BCL2L11: variants seen among roughly 807,000 people sequenced by gnomAD.
BCL2L11 encodes the protein BCL2 like 11.
In BCL2L11, 15 loss-of-function variants were observed where a neutral mutation model predicts 20.6. That is an observed-to-expected ratio of 0.73 (90% CI 0.49 to 1.12). The LOEUF is 1.12. Among genes scored for constraint, BCL2L11 ranks in the 50% most tolerant of loss-of-function variants. BCL2L11 has a pLI of 0.00. For synonymous variants in BCL2L11, 108 were observed against 92.8 expected (o/e 1.16, Z -0.94); for missense variants, 292 against 260.9 (o/e 1.12, Z -0.82).
chr2:111,129,560 C>T (rs1273204416), intron 2 of BCL2L11, among the ~76,000 whole-genome samples: 3 of 152,216 alleles, frequency 2.0e-5, no homozygotes, highest in Non-Finnish European at 4.4e-5. Context: ...TTATAGTATA[C>T]TGTCACAACC....
At chr2:111,146,195 A>AT in intron 2 of BCL2L11, 1 of 985,070 alleles carries the variant, frequency 1.0e-6, no homozygotes, top group African/African-American at 1.7e-5. Context: ...CCTTTGAAGA[A>AT]TTTTTTATGT....
intron 2 of BCL2L11, chr2:111,142,422 G>A: frequency 2.6e-6 from 4 of 1,519,826 alleles, no homozygotes; most frequent in Middle Eastern, 3.4e-4. Flanking sequence ...TTCAAAATGG[G>A]ATAAAAAGAA....
chr2:111,150,233 A>G, intron 3 of BCL2L11, 86 bp downstream of exon 3: 1 of 1,533,700 alleles, frequency 6.5e-7, no homozygotes, highest in Non-Finnish European at 8.8e-7. Flanking sequence ...ACTTCTTGTA[A>G]CTACATGCTA....
At chr2:111,152,238 C>T (rs997508600) in intron 3 of BCL2L11, among the ~76,000 whole-genome samples, 4 of 152,174 alleles carry the variant, frequency 2.6e-5, no homozygotes, top group Admixed American at 6.5e-5. Flanking sequence ...GTCTCCTTCC[C>T]GTCTGGAAGG....
At chr2:111,154,718 T>C (rs2077631515) in intron 3 of BCL2L11, among the ~76,000 whole-genome samples, 1 of 152,232 alleles carries the variant, frequency 6.6e-6, no homozygotes, top group African/African-American at 2.4e-5. Flanking sequence ...AGTCTTCCAC[T>C]GTGAAGTTAG....
intron 2 of BCL2L11, among the ~76,000 whole-genome samples, chr2:111,125,887 A>G (rs1204937707): frequency 6.6e-6 from 1 of 152,060 alleles, no homozygotes; most frequent in Non-Finnish European, 1.5e-5. Flanking sequence ...TTTTTGTTGT[A>G]CTCATGAAAA....
intron 3 of BCL2L11, chr2:111,163,447 C>T (rs1182987328): frequency 6.6e-6 from 1 of 152,334 alleles, no homozygotes; most frequent in Non-Finnish European, 1.5e-5. Flanking sequence ...CCTGAGGACC[C>T]TGAAAGCATT....
At chr2:111,153,733 G>T in intron 3 of BCL2L11, 1 of 1,551,464 alleles carries the variant, frequency 6.4e-7, no homozygotes, top group Non-Finnish European at 8.7e-7. Flanking sequence ...GTCTTTTATT[G>T]CCACGAGCCT....
At chr2:111,149,309 G>C (rs2076963161) in intron 2 of BCL2L11, among the ~76,000 whole-genome samples, 1 of 152,182 alleles carries the variant, frequency 6.6e-6, no homozygotes, top group South Asian at 2.1e-4. Context: ...GTTAGTGACA[G>C]CTTAATGAAA....
rs1161363164 is a variant in BCL2L11, at chr2:111,143,041, T to G, written c.395-7003T>G. ...TAGAAAAAATATAGGGATTTGTGTC[T>G]TTGCACTAAAGTAATTTCAGGGTTG... On this transcript the variant is annotated intron_variant, in intron 2 of 3. Transcript: ENST00000393256. 2.6e-5 allele frequency among the ~76,000 whole-genome samples: 4 copies of G among 152,236 alleles called. No homozygotes were observed. In the East Asian group the frequency reaches 5.8e-4, roughly 22 times the overall value.
chr2:111,134,435 A>T lies in BCL2L11; in HGVS notation c.394+10296A>T, dbSNP rs114767449. ...TTATGATGGGAGCTGAAGAGTAGAA[A>T]CCTTACTTTTCTTTAGGCTCCGTTA... On this transcript the variant is annotated intron_variant, in intron 2 of 3. Transcript: ENST00000393256. Among the ~76,000 whole-genome samples, 820 of 152,112 alleles carry T rather than the reference A, an allele frequency of 5.4e-3. 16 individuals are homozygous for T. The highest frequency in any genetic ancestry group is 0.016 in the African/African-American group (652 of 41,490).
chr2:111,134,263 G>A lies in BCL2L11; in HGVS notation c.394+10124G>A, dbSNP rs369204901. 2.1e-4 allele frequency among the ~76,000 whole-genome samples: 32 copies of A among 151,642 alleles called. 1 individual carries two copies. Among genetic ancestry groups the A allele is most frequent in the East Asian group, 1.7e-3 (9 of 5,182 alleles). Reference sequence around the variant, plus strand: ...TTTTTAACCTTACTGTGGGTTATACGAACATTTTCTAGGATTTCGTTTTGA... The same window carrying A: ...TTTTTAACCTTACTGTGGGTTATACAAACATTTTCTAGGATTTCGTTTTGA... On this transcript the variant is annotated intron_variant, in intron 2 of 3. Coordinates refer to ENST00000393256, the MANE Select transcript of BCL2L11 (RefSeq NM_138621.5).
intron 3 of BCL2L11, among the ~76,000 whole-genome samples, chr2:111,161,873 C>T (rs1056120732): frequency 6.6e-6 from 1 of 152,168 alleles, no homozygotes; most frequent in African/African-American, 2.4e-5. Context: ...TTGTAGCAGC[C>T]GTTCCTCAGT....
chr2:111,129,430 T>C (rs1048022136), intron 2 of BCL2L11, among the ~76,000 whole-genome samples: 1 of 152,236 alleles, frequency 6.6e-6, no homozygotes, highest in African/African-American at 2.4e-5. Flanking sequence ...ATTTTAAATT[T>C]ACATCTTAAA....
At chr2:111,149,591 C>T (rs1004345059) in intron 2 of BCL2L11, among the ~76,000 whole-genome samples, 3 of 152,168 alleles carry the variant, frequency 2.0e-5, no homozygotes, top group African/African-American at 7.2e-5. Flanking sequence ...ACAGCCATTT[C>T]ACCTCATATT....
chr2:111,146,296 C>G, intron 2 of BCL2L11: 1 of 917,838 alleles, frequency 1.1e-6, no homozygotes, highest in Non-Finnish European at 1.3e-6. Flanking sequence ...CAGGTATCAA[C>G]ATTTACGGCG....
intron 1 of BCL2L11, among the ~76,000 whole-genome samples, chr2:111,122,119 G>A (rs1053064517): frequency 2.0e-5 from 3 of 152,240 alleles, no homozygotes; most frequent in African/African-American, 7.2e-5. Flanking sequence ...CTTCGGCTTT[G>A]ACTCGTGTCT....
At position 111,153,714 on chromosome 2, in the gene BCL2L11, A is replaced by C. The variant is rs767999666; in HGVS notation, c.498+3567A>C. 9.7e-6 allele frequency: 15 copies of C among 1,542,550 alleles called. No homozygotes were observed. In the Admixed American group the frequency reaches 1.8e-4, roughly 18 times the overall value. On this transcript the variant is annotated intron_variant, in intron 3 of 3. Coordinates refer to ENST00000393256, the MANE Select transcript of BCL2L11 (RefSeq NM_138621.5). ...TTAATGCTATTACAATGCCTTGTCT[A>C]AAGTGTTAGTCTTTTATTGCCACGA...
rs1055188240 is a variant in BCL2L11, at chr2:111,165,276, G to C, written c.*1045G>C. On this transcript the variant is annotated 3_prime_UTR_variant, in exon 4 of 4. Coordinates refer to ENST00000393256, the MANE Select transcript of BCL2L11 (RefSeq NM_138621.5). The stretch of plus-strand genomic sequence containing the variant: ...GTCACAGGATGCACTGTCAGCATCA[G>C]GTCCCAGAGGGCCACCGTGTCCATT... The C allele has an allele frequency of 5.3e-5, 8 of 152,298 alleles. No individual in the cohort carries two copies. Among genetic ancestry groups the C allele is most frequent in the African/African-American group, 9.7e-5 (4 of 41,446 alleles). 9.4% of individuals were successfully genotyped at this position (152,298 alleles called of 1,614,324 possible). A position where few individuals can be genotyped will look rare whatever the true frequency, so the allele number is the denominator to read the frequency against.
Sources: gnomAD v4.1 joint callset for allele counts (sites outside exome capture counted in the v4.1 genomes callset) on GRCh38, gnomAD v4.1.1 for gene constraint, MANE v1.5 for transcripts, NCBI Gene and HGNC (gene_info 2026-07-23, HGNC 2026-07-21) for gene names.